GALNT1: variants seen among roughly 807,000 people sequenced by gnomAD.
GALNT1 encodes polypeptide N-acetylgalactosaminyltransferase 1, also known as GalNAc transferase 1.
GALNT1 carries 17 observed loss-of-function variants against 65.7 expected under a neutral mutation model. The ratio of observed to expected loss-of-function variants is 0.26; its 90% CI spans 0.18 to 0.39. The LOEUF (loss-of-function observed/expected upper bound fraction) is 0.39, where lower values mean the gene tolerates loss of function less well. Among genes scored for constraint, GALNT1 ranks in the 10% least tolerant of loss-of-function variants. The pLI is 1.00. For synonymous variants in GALNT1, 210 were observed against 219.7 expected (o/e 0.96, Z 0.39); for missense variants, 460 against 672.8 (o/e 0.68, Z 3.50).
intron 1 of GALNT1, among the ~76,000 whole-genome samples, chr18:35,636,982 GTTA>G (rs1208538789): frequency 1.3e-5 from 2 of 151,746 alleles, no homozygotes; most frequent in East Asian, 1.9e-4. Context: ...GATCTTTGTT[GTTA>G]TTATTGTAAT....
chr18:35,634,757 T>G (rs561830512), intron 1 of GALNT1, among the ~76,000 whole-genome samples: 1 of 152,298 alleles, frequency 6.6e-6, no homozygotes, highest in South Asian at 2.1e-4. Flanking sequence ...TTTGTAAAGT[T>G]TAGGCACAGT....
At chr18:35,586,903 C>A (rs2046384004) in intron 1 of GALNT1, among the ~76,000 whole-genome samples, 1 of 152,112 alleles carries the variant, frequency 6.6e-6, no homozygotes, top group Non-Finnish European at 1.5e-5. Context: ...TTGCAGTAGA[C>A]CTGTATCAGT....
chr18:35,639,433 C>T (rs2144281219), intron 1 of GALNT1, among the ~76,000 whole-genome samples: 1 of 152,314 alleles, frequency 6.6e-6, no homozygotes, highest in African/African-American at 2.4e-5. Context: ...TGCGTACACA[C>T]TGCTGTATAG....
chr18:35,632,239 C>G (rs2047023936), intron 1 of GALNT1, among the ~76,000 whole-genome samples: 1 of 152,264 alleles, frequency 6.6e-6, no homozygotes, highest in Admixed American at 6.5e-5. Flanking sequence ...CCCACATTGT[C>G]AAGTCAATCC....
At chr18:35,630,503 AGC>A (rs2046991230) in intron 1 of GALNT1, among the ~76,000 whole-genome samples, 5 of 152,218 alleles carry the variant, frequency 3.3e-5, no homozygotes, top group African/African-American at 1.2e-4. Flanking sequence ...CTTTGAAACC[AGC>A]AAGAACAAAG....
At chr18:35,607,036 C>T (rs2046659039) in intron 1 of GALNT1, among the ~76,000 whole-genome samples, 1 of 151,972 alleles carries the variant, frequency 6.6e-6, no homozygotes, top group Non-Finnish European at 1.5e-5. Flanking sequence ...AAGTGAGCAC[C>T]AGACTCAAGG....
At chr18:35,627,749 C>CTGAG (rs1481422566) in intron 1 of GALNT1, among the ~76,000 whole-genome samples, 8 of 143,808 alleles carry the variant, frequency 5.6e-5, no homozygotes, top group African/African-American at 2.2e-4. Flanking sequence ...GTGTAGCACA[C>CTGAG]CGAGCTGAAG....
chr18:35,700,528 T>TGGAGAAACTCCACTTTCAA (rs1261538127), intron 9 of GALNT1, among the ~76,000 whole-genome samples: 3 of 152,198 alleles, frequency 2.0e-5, no homozygotes, highest in Non-Finnish European at 4.4e-5. Flanking sequence ...TTCCAGTCCT[T>TGGAGAAACTCCACTTTCAA]GGAGAAACTC....
intron 1 of GALNT1, among the ~76,000 whole-genome samples, chr18:35,651,857 G>A (rs892552198): frequency 3.3e-5 from 5 of 152,150 alleles, no homozygotes; most frequent in East Asian, 1.9e-4. Flanking sequence ...GCAATGGGTC[G>A]TGCAAATTAA....
intron 3 of GALNT1, among the ~76,000 whole-genome samples, chr18:35,667,919 A>G (rs16966986): frequency 0.062 from 9,390 of 152,318 alleles, 321 homozygotes; most frequent in South Asian, 0.077. Context: ...CAGGTTCATT[A>G]CATGTTTCAT....
In GALNT1 at chr18:35,710,777, A is replaced by ATCT. The variant is rs1296094668; in HGVS notation, c.*1010_*1012dup. 1 of 152,652 alleles carries ATCT rather than the reference A, an allele frequency of 6.6e-6. No homozygotes were observed. Among genetic ancestry groups the ATCT allele is most frequent in the Non-Finnish European group, 1.5e-5 (1 of 68,044 alleles). The allele number at this position is 152,652 out of a possible 1,614,324, so 9.5% of individuals were successfully genotyped here. ...CACAGATTTGTTTTCACAGCAATAA[A>ATCT]TCTTCAGTTCTTTGTTTATGATTCC... is the stretch of plus-strand genomic sequence containing the variant. On this transcript the variant is annotated 3_prime_UTR_variant, in exon 12 of 12. Coordinates refer to ENST00000269195, the MANE Select transcript of GALNT1 (RefSeq NM_020474.4).
intron 5 of GALNT1, among the ~76,000 whole-genome samples, chr18:35,684,775 T>TA (rs1361254621): frequency 6.6e-6 from 1 of 152,230 alleles, no homozygotes; most frequent in African/African-American, 2.4e-5. Flanking sequence ...GTCCAAACAC[T>TA]AAAGCCAGCT....
chr18:35,706,643 G>C (rs2048266561), intron 11 of GALNT1, among the ~76,000 whole-genome samples: 1 of 152,146 alleles, frequency 6.6e-6, no homozygotes, highest in South Asian at 2.1e-4. Context: ...CAGACTCGAA[G>C]ATAAAGTTGA....
rs553796223 is a variant in GALNT1, at chr18:35,592,170, C to T, written c.-104+10308C>T. Among the ~76,000 whole-genome samples, 164 of 152,198 alleles carry T rather than the reference C, an allele frequency of 1.1e-3. 2 individuals are homozygous for T. The highest frequency in any genetic ancestry group is 3.6e-3 in the African/African-American group (151 of 41,524). On this transcript the variant is annotated intron_variant, in intron 1 of 11. Transcript: ENST00000269195. ...GAGGGGATACTTACAGTTACGGGCC[C>T]GGATGAGGAAAGTGACTTTTACATC...
intron 9 of GALNT1, 76 bp from the exon 10 acceptor site, chr18:35,702,821 G>A (rs2048187006): frequency 1.1e-6 from 1 of 906,184 alleles, no homozygotes. Context: ...TTGATATTTA[G>A]TGTATATGTG....
chr18:35,648,843 A>G (rs1009276673), intron 1 of GALNT1, among the ~76,000 whole-genome samples: 7 of 152,218 alleles, frequency 4.6e-5, no homozygotes, highest in African/African-American at 1.4e-4. Flanking sequence ...CAAGAAAGTT[A>G]TGGAATGTTT....
At chr18:35,632,976 A>G (rs1020956812) in intron 1 of GALNT1, among the ~76,000 whole-genome samples, 2 of 152,238 alleles carry the variant, frequency 1.3e-5, no homozygotes, top group Non-Finnish European at 2.9e-5. Context: ...GAGAAATGCA[A>G]ATCAAAACCA....
intron 1 of GALNT1, among the ~76,000 whole-genome samples, chr18:35,613,103 TCTGTG>T (rs982382073): frequency 3.3e-5 from 5 of 152,216 alleles, no homozygotes; most frequent in Admixed American, 6.5e-5. Context: ...TGCAATACCT[TCTGTG>T]CTATAATCTA....
In GALNT1 at chr18:35,650,827, G is replaced by A. The variant is rs543661979; in HGVS notation, c.-103-3733G>A. The stretch of plus-strand genomic sequence containing the variant: ...AGATTTCATATTGTTTAAACAATTT[G>A]TGCAGTTAACACAACCATCACAGGG... On this transcript the variant is annotated intron_variant, in intron 1 of 11. Transcript: ENST00000269195. 3.9e-5 allele frequency among the ~76,000 whole-genome samples: 6 copies of A among 152,084 alleles called. 1 individual carries two copies. In the South Asian group the frequency reaches 1.2e-3, roughly 32 times the overall value.
Sources: allele counts gnomAD v4.1 joint callset (sites outside exome capture counted in the v4.1 genomes callset), GRCh38; gene constraint gnomAD v4.1.1; transcripts MANE v1.5; gene names NCBI Gene and HGNC (gene_info 2026-07-23, HGNC 2026-07-21).